UBE3A: variants seen among roughly 807,000 people sequenced by gnomAD.
UBE3A encodes the protein ubiquitin protein ligase E3A.
UBE3A carries 6 observed loss-of-function variants against 83.4 expected under a neutral mutation model. The observed-to-expected ratio is 0.07, with a 90% CI of 0.04 to 0.14. UBE3A has a LOEUF of 0.14. Among genes scored for constraint, UBE3A ranks in the 10% least tolerant of loss-of-function variants. The pLI is 1.00. For synonymous variants in UBE3A, 337 were observed against 355.4 expected, an observed-to-expected ratio of 0.95 and a Z score of 0.58; for missense variants, 456 against 1,036.1, an observed-to-expected ratio of 0.44 and a Z score of 7.69.
rs764956642 is a variant in UBE3A at position 25,360,578 on chromosome 15, A to G, written c.1609-51T>C. 8 of 1,589,788 alleles carry G rather than the reference A, an allele frequency of 5.0e-6. No individual in the cohort carries two copies. The South Asian group carries it at 9.0e-5, about 18-fold the overall frequency. On this transcript the variant is annotated intron_variant, in intron 6 of 12. Coordinates refer to ENST00000648336, the MANE Select transcript of UBE3A (RefSeq NM_130839.5). The stretch of plus-strand genomic sequence containing the variant: ...AAAGAAGATGATTGCTAGTATCAGG[A>G]AAAAAACAAAATAAAAACAAGGAGT...
At chr15:25,352,830 G>A (rs1566880939) in intron 11 of UBE3A, among the ~76,000 whole-genome samples, 1 of 152,210 alleles carries the variant, frequency 6.6e-6, no homozygotes. Flanking sequence ...TTGAGGATGA[G>A]TTGGAAGCTA....
chr15:25,407,214 T>C, intron 3 of UBE3A: 2 of 1,289,540 alleles, frequency 1.6e-6, no homozygotes, highest in East Asian at 5.6e-5. Flanking sequence ...GATGTCATAC[T>C]GTAAGGAGGC....
rs1567112624 is a variant in UBE3A at position 25,409,094 on chromosome 15, CA to C, written c.13del (p.Cys5ValfsTer17). MATA[C>X]KRSGEPQSDD... ...TAAAATAATTCAAAATTACCTTTTACAAGCTGTGGCCATTCGGTGACATCAG... is the reference window on the plus strand; with the variant it reads ...TAAAATAATTCAAAATTACCTTTTACAGCTGTGGCCATTCGGTGACATCAG... On this transcript the variant is annotated frameshift_variant, in exon 3 of 13. Coordinates refer to ENST00000648336, the MANE Select transcript of UBE3A (RefSeq NM_130839.5). LOFTEE classifies it high-confidence loss of function. 1 of 1,592,418 alleles carries C rather than the reference CA, an allele frequency of 6.3e-7. No homozygotes were observed.
chr15:25,415,329 C>A (rs1464637823), intron 1 of UBE3A, among the ~76,000 whole-genome samples: 1 of 152,180 alleles, frequency 6.6e-6, no homozygotes, highest in Non-Finnish European at 1.5e-5. Context: ...AACTCCTTCA[C>A]ATTTTATTTG....
intron 11 of UBE3A, among the ~76,000 whole-genome samples, chr15:25,348,887 T>C (rs948072082): frequency 4.6e-5 from 7 of 152,228 alleles, no homozygotes; most frequent in Non-Finnish European, 1.0e-4. Context: ...CTCTCCAAAT[T>C]GACCTGCCCC....
chr15:25,339,503 A>G (rs1454082331), intron 12 of UBE3A: 12 of 359,788 alleles, frequency 3.3e-5, no homozygotes, highest in Admixed American at 8.7e-5. Context: ...AACAGATACC[A>G]TTTTAGGTAC....
intron 6 of UBE3A, among the ~76,000 whole-genome samples, chr15:25,369,939 T>C (rs768879502): frequency 2.0e-5 from 3 of 152,160 alleles, no homozygotes; most frequent in African/African-American, 4.8e-5. Flanking sequence ...ATTTTTGGAA[T>C]AGCTGCTGTT....
chr15:25,433,891 C>T (rs1180173226), intron 1 of UBE3A, among the ~76,000 whole-genome samples: 2 of 151,902 alleles, frequency 1.3e-5, no homozygotes, highest in South Asian at 2.1e-4. Context: ...CGGCAAGACC[C>T]CATCTCCACA....
chr15:25,433,909 T>G (rs734127), intron 1 of UBE3A, among the ~76,000 whole-genome samples: 25,127 of 151,506 alleles, frequency 0.17, 2,243 homozygotes, highest in Middle Eastern at 0.28. Flanking sequence ...ACAAAAAAAT[T>G]AAAAAATAAA....
chr15:25,354,742 G>C, intron 9 of UBE3A, 59 bp from the exon 10 acceptor site: 2 of 1,485,668 alleles, frequency 1.3e-6, no homozygotes, highest in Non-Finnish European at 1.9e-6. Context: ...CAAAACACAA[G>C]TTATTGGGCT....
intron 5 of UBE3A, chr15:25,374,937 G>A (rs933612771): frequency 1.3e-5 from 2 of 156,102 alleles, no homozygotes; most frequent in African/African-American, 4.8e-5. Context: ...ACTGTCATTG[G>A]TAGGTCATGA....
intron 11 of UBE3A, chr15:25,354,088 T>A: frequency 1.9e-6 from 1 of 530,800 alleles, no homozygotes. Context: ...AAGCATACTC[T>A]AACCAGTGAG....
intron 3 of UBE3A, chr15:25,408,743 TAGTTA>T: frequency 7.1e-7 from 1 of 1,401,172 alleles, no homozygotes; most frequent in East Asian, 2.3e-5. Flanking sequence ...GAGAAATGTT[TAGTTA>T]AAACGTTCAC....
Position 25,340,099 on chromosome 15 carries a change from G to A in UBE3A, c.2484C>T (p.Gly828=), listed in dbSNP as rs1456944923. The part of the protein sequence containing the change: ...GKLKMIIAKN[G]PDTERLPTSH... ...TAATTACCTACCTTTCTGTGTCTGG[G>A]CCATTTTTGGCTATAATCATCTTTA... is the stretch of plus-strand genomic sequence containing the variant. The change falls in exon 12 of 13, where the codon GGC becomes GGT. Residue 828 remains glycine, a synonymous_variant. Transcript: ENST00000648336. The A allele has an allele frequency of 6.2e-7, 1 of 1,614,018 alleles. No individual in the cohort carries two copies.
At chr15:25,397,598 T>C (rs1284631655) in intron 4 of UBE3A, among the ~76,000 whole-genome samples, 1 of 152,196 alleles carries the variant, frequency 6.6e-6, no homozygotes, top group African/African-American at 2.4e-5. Flanking sequence ...GCAACCCTTT[T>C]ATGTGACTCC....
At chr15:25,423,396 T>A (rs1455322388) in intron 1 of UBE3A, among the ~76,000 whole-genome samples, 1 of 152,212 alleles carries the variant, frequency 6.6e-6, no homozygotes, top group Non-Finnish European at 1.5e-5. Context: ...AATATTTAGA[T>A]TGACATGATC....
At chr15:25,409,870 C>A (rs1467592426) in intron 2 of UBE3A, among the ~76,000 whole-genome samples, 2 of 151,982 alleles carry the variant, frequency 1.3e-5, no homozygotes, top group African/African-American at 4.8e-5. Flanking sequence ...TCTAGTCCCA[C>A]TAATTCTGTA....
At chr15:25,407,104 T>A (rs1253687175) in intron 3 of UBE3A, 2 of 1,350,888 alleles carry the variant, frequency 1.5e-6, no homozygotes, top group Non-Finnish European at 2.0e-6. Context: ...TACCCCAAGA[T>A]TGCTTCCAAA....
chr15:25,387,263 T>C (rs1399740495), intron 4 of UBE3A, among the ~76,000 whole-genome samples: 1 of 152,242 alleles, frequency 6.6e-6, no homozygotes, highest in African/African-American at 2.4e-5. Flanking sequence ...GGCTCACGCC[T>C]GTAATCCCAG....
Sources: allele counts gnomAD v4.1 joint callset (sites outside exome capture counted in the v4.1 genomes callset), GRCh38; gene constraint gnomAD v4.1.1; transcripts MANE v1.5; gene names NCBI Gene and HGNC (gene_info 2026-07-23, HGNC 2026-07-21).